Variants in DPF3 observed in about 807,000 individuals in gnomAD.
DPF3 encodes double PHD fingers 3.
DPF3 carries 18 observed loss-of-function variants against 56.8 expected under a neutral mutation model. That is an observed-to-expected ratio of 0.32 (90% CI 0.22 to 0.47). DPF3 has a LOEUF of 0.47. DPF3 is among the 20% of genes least tolerant of loss of function. The pLI is 1.00. For synonymous variants in DPF3, 188 were observed against 180.2 expected (o/e 1.04, Z -0.35); for missense variants, 403 against 488.8 (o/e 0.82, Z 1.65).
At chr14:72,645,168 T>G (rs1469903988) in intron 8 of DPF3, among the ~76,000 whole-genome samples, 3 of 152,208 alleles carry the variant, frequency 2.0e-5, no homozygotes, top group Non-Finnish European at 2.9e-5. Context: ...TTCCTTTCCA[T>G]GAGGCAGAAA....
At chr14:72,629,118 A>T (rs1026189422) in intron 9 of DPF3, among the ~76,000 whole-genome samples, 1 of 152,162 alleles carries the variant, frequency 6.6e-6, no homozygotes. Context: ...TAGCTATGTA[A>T]TATTTTGGTT....
At chr14:72,724,917 GC>G (rs1332977256) in intron 4 of DPF3, among the ~76,000 whole-genome samples, 1 of 151,804 alleles carries the variant, frequency 6.6e-6, no homozygotes, top group Non-Finnish European at 1.5e-5. Context: ...TGTTGCCCGG[GC>G]TGACCTCGAA....
In DPF3 at chr14:72,610,750, G is replaced by A. The variant is rs904828595; in HGVS notation, c.*8547C>T. Reference sequence around the variant, plus strand: ...GGAGCCTTCTCAGAGCTCAGCCACTGGCTCTTGGGCTCCCAGGTTCATCCC... The same window carrying A: ...GGAGCCTTCTCAGAGCTCAGCCACTAGCTCTTGGGCTCCCAGGTTCATCCC... On this transcript the variant is annotated 3_prime_UTR_variant, in exon 11 of 11. Transcript: ENST00000556509. Among the ~76,000 whole-genome samples the A allele has an allele frequency of 6.6e-6, 1 of 152,174 alleles. No individual in the cohort carries two copies. The highest frequency in any genetic ancestry group is 2.4e-5 in the African/African-American group (1 of 41,436).
At chr14:72,861,442 T>C (rs1179334936) in intron 1 of DPF3, among the ~76,000 whole-genome samples, 1 of 152,182 alleles carries the variant, frequency 6.6e-6, no homozygotes, top group African/African-American at 2.4e-5. Context: ...ATGTTGAGTA[T>C]GTTTCTCACC....
At chr14:72,677,932 G>A (rs373667110) in intron 7 of DPF3, among the ~76,000 whole-genome samples, 1 of 151,754 alleles carries the variant, frequency 6.6e-6, no homozygotes, top group Non-Finnish European at 1.5e-5. Context: ...GAGGATACCT[G>A]GTCATGCCTA....
chr14:72,848,341 T>C (rs565866555), intron 1 of DPF3, among the ~76,000 whole-genome samples: 103 of 152,218 alleles, frequency 6.8e-4, no homozygotes, highest in African/African-American at 2.3e-3. Context: ...TTTTTGTATT[T>C]TTAAGTAGAG....
At chr14:72,813,120 G>A (rs1883131576) in intron 1 of DPF3, among the ~76,000 whole-genome samples, 1 of 152,126 alleles carries the variant, frequency 6.6e-6, no homozygotes, top group Non-Finnish European at 1.5e-5. Context: ...TCCAAACAAG[G>A]TCCCAGCATT....
At position 72,838,905 on chromosome 14, in the gene DPF3, A is replaced by ATATATATATATATATATATAT; in HGVS notation, c.32+55151_32+55152insATATATATATATATATATATA. On this transcript the variant is annotated intron_variant, in intron 1 of 10. Coordinates refer to ENST00000556509, the MANE Select transcript of DPF3 (RefSeq NM_001280542.3). ...ATCTATCATATATATTATCATATAT[A>ATATATATATATATATATATAT]TTCTTTTTTTTTTTTTTTTTTTTTT... 5.4e-3 allele frequency among the ~76,000 whole-genome samples: 350 copies of ATATATATATATATATATATAT among 64,336 alleles called. 38 individuals carry two copies. Among genetic ancestry groups the ATATATATATATATATATATAT allele is most frequent in the East Asian group, 0.017 (14 of 816 alleles). 42.2% of individuals were successfully genotyped at this position (64,336 alleles called of 152,430 possible).
chr14:72,825,483 A>T (rs1286040981), intron 1 of DPF3, among the ~76,000 whole-genome samples: 1 of 152,256 alleles, frequency 6.6e-6, no homozygotes, highest in Non-Finnish European at 1.5e-5. Flanking sequence ...TTGTTTCATC[A>T]ACCAGCTAAA....
intron 1 of DPF3, among the ~76,000 whole-genome samples, chr14:72,816,360 G>A (rs1363545393): frequency 6.6e-6 from 1 of 152,192 alleles, no homozygotes; most frequent in Admixed American, 6.5e-5. Context: ...CTTACGTTAT[G>A]TTATCTGGCC....
chr14:72,765,645 C>T (rs969234870), intron 2 of DPF3, among the ~76,000 whole-genome samples: 1 of 152,162 alleles, frequency 6.6e-6, no homozygotes, highest in African/African-American at 2.4e-5. Context: ...ATGCCCTTGT[C>T]CCTAAAAAAG....
intron 5 of DPF3, among the ~76,000 whole-genome samples, chr14:72,721,258 G>A (rs1397647933): frequency 2.0e-5 from 3 of 152,210 alleles, no homozygotes; most frequent in African/African-American, 7.2e-5. Context: ...TGGTTGCACT[G>A]ACTGCTGATG....
intron 1 of DPF3, among the ~76,000 whole-genome samples, chr14:72,789,858 A>C (rs960263700): frequency 6.6e-6 from 1 of 151,360 alleles, no homozygotes; most frequent in Non-Finnish European, 1.5e-5. Context: ...CCTCCTTAGG[A>C]CTCCACTCAC....
intron 6 of DPF3, among the ~76,000 whole-genome samples, chr14:72,705,429 T>C (rs1888360758): frequency 1.3e-5 from 2 of 152,074 alleles, no homozygotes; most frequent in Non-Finnish European, 1.5e-5. Flanking sequence ...CATTATATAT[T>C]ACAATGTAAT....
At chr14:72,861,688 A>T (rs35570798) in intron 1 of DPF3, among the ~76,000 whole-genome samples, 1 of 148,070 alleles carries the variant, frequency 6.8e-6, no homozygotes, top group Non-Finnish European at 1.5e-5. Flanking sequence ...AGAGAGAAAG[A>T]AAAGAAAGAA....
rs1567273862 is a variant in DPF3, at chr14:72,893,016, G to GC, written c.32+1040_32+1041insG. Among the ~76,000 whole-genome samples, 979 of 119,616 alleles carry GC rather than the reference G, an allele frequency of 8.2e-3. 49 individuals carry two copies. The highest frequency in any genetic ancestry group is 0.027 in the Middle Eastern group (6 of 226). The allele number at this position is 119,616 out of a possible 152,430, so 78.5% of individuals were successfully genotyped here. Reference sequence around the variant, plus strand: ...GGAAGGAAGGAAGGAAGGAAGGAAGGAAGGAAGGATGAAAAGGAGGAGGAA... The same window carrying GC: ...GGAAGGAAGGAAGGAAGGAAGGAAGGCAAGGAAGGATGAAAAGGAGGAGGAA... On this transcript the variant is annotated intron_variant, in intron 1 of 10. Transcript: ENST00000556509.
chr14:72,735,790 A>G (rs1237810188), intron 3 of DPF3, among the ~76,000 whole-genome samples: 1 of 152,240 alleles, frequency 6.6e-6, no homozygotes, highest in Non-Finnish European at 1.5e-5. Context: ...ATATGTGGTA[A>G]ATGGGTGTGG....
intron 5 of DPF3, among the ~76,000 whole-genome samples, chr14:72,720,585 C>T (rs775782084): frequency 1.3e-5 from 2 of 152,242 alleles, no homozygotes; most frequent in Admixed American, 6.5e-5. Context: ...AGGTGTCTCT[C>T]ATCTCCCCTA....
chr14:72,885,018 C>T (rs1886484139), intron 1 of DPF3, among the ~76,000 whole-genome samples: 1 of 127,302 alleles, frequency 7.9e-6, no homozygotes, highest in Admixed American at 8.9e-5. Flanking sequence ...ACTCGGGAGG[C>T]TGAGCCCGGG....
Sources: allele counts gnomAD v4.1 joint callset (sites outside exome capture counted in the v4.1 genomes callset), GRCh38; gene constraint gnomAD v4.1.1; transcripts MANE v1.5; gene names NCBI Gene and HGNC (gene_info 2026-07-23, HGNC 2026-07-21).